OR14A2: variants seen among roughly 807,000 people sequenced by gnomAD.
The protein encoded by OR14A2 is olfactory receptor 14A2.
For missense variants in OR14A2, 237 were observed against 152.9 expected, an observed-to-expected ratio of 1.55 and a Z score of -2.90; for synonymous variants, 114 against 58.6, an observed-to-expected ratio of 1.95 and a Z score of -4.32.
chr1:247,735,171 C>A, the OR14A2 span, among the ~76,000 whole-genome samples: 12 of 152,220 alleles, frequency 7.9e-5, no homozygotes, highest in Admixed American at 7.2e-4. Context: ...TCTGAAGGGA[C>A]GTCATCTTCC....
At chr1:247,746,032 C>T in the OR14A2 span, among the ~76,000 whole-genome samples, 1 of 152,152 alleles carries the variant, frequency 6.6e-6, no homozygotes. Context: ...TGGGCACAGC[C>T]GTTCATGGTT....
chr1:247,745,450 A>G, the OR14A2 span, among the ~76,000 whole-genome samples: 3 of 151,868 alleles, frequency 2.0e-5, no homozygotes, highest in South Asian at 6.2e-4. Context: ...ATAATGTAGT[A>G]AAGGAGAGAA....
the OR14A2 span, among the ~76,000 whole-genome samples, chr1:247,731,036 T>C: frequency 2.0e-5 from 3 of 152,180 alleles, no homozygotes; most frequent in African/African-American, 7.2e-5. Flanking sequence ...TCATAGCCCA[T>C]ATATGACCAT....
At chr1:247,723,924 G>T in exon 1 of OR14A2, 1 of 716,888 alleles carries the variant, frequency 1.4e-6, no homozygotes, top group Non-Finnish European at 2.6e-6. Flanking sequence ...TGATGAGAAG[G>T]TTACTCATTA....
the OR14A2 span, chr1:247,746,625 T>C: frequency 6.6e-6 from 1 of 152,234 alleles, no homozygotes; most frequent in Non-Finnish European, 1.5e-5. Context: ...GGCTAATTGC[T>C]TAAGCTCCCC....
At chr1:247,724,580 T>C (rs530272736), upstream of OR14A2, among the ~76,000 whole-genome samples, 2 of 152,308 alleles carry the variant, frequency 1.3e-5, no homozygotes, top group East Asian at 3.9e-4. Flanking sequence ...TTCTCTATTC[T>C]AATGATAGTA....
exon 1 of OR14A2, chr1:247,724,006 A>C (rs556167675): frequency 9.8e-5 from 70 of 715,170 alleles, no homozygotes; most frequent in African/African-American, 8.3e-4. Context: ...AGAAAACCCC[A>C]TAAGAAGAAA....
chr1:247,725,655 A>G (rs1572471516), upstream of OR14A2, among the ~76,000 whole-genome samples: 1 of 136,534 alleles, frequency 7.3e-6, no homozygotes, highest in Non-Finnish European at 1.6e-5. Context: ...AGCATTAGGT[A>G]TATCTCCCAA....
the OR14A2 span, among the ~76,000 whole-genome samples, chr1:247,740,945 T>C: frequency 6.6e-6 from 1 of 152,236 alleles, no homozygotes; most frequent in African/African-American, 2.4e-5. Flanking sequence ...TAATAAAATA[T>C]GTTTCTAGCC....
At chr1:247,728,085 C>G (rs1660423156), upstream of OR14A2, among the ~76,000 whole-genome samples, 1 of 148,724 alleles carries the variant, frequency 6.7e-6, no homozygotes, top group Non-Finnish European at 1.5e-5. Context: ...AGGCCAGCAT[C>G]ATTCTGATAC....
chr1:247,739,185 C>A, the OR14A2 span: 1 of 780,882 alleles, frequency 1.3e-6, no homozygotes, highest in South Asian at 1.3e-5. Flanking sequence ...TTCTAAAGAA[C>A]ATGCCATCAT....
upstream of OR14A2, among the ~76,000 whole-genome samples, chr1:247,725,528 AT>A (rs994664937): frequency 2.5e-3 from 377 of 148,204 alleles, no homozygotes; most frequent in Non-Finnish European, 3.6e-3. Context: ...TTATTTATTT[AT>A]TTTTTTTATT....
upstream of OR14A2, among the ~76,000 whole-genome samples, chr1:247,728,238 C>T (rs1027542889): frequency 4.6e-5 from 7 of 152,190 alleles, no homozygotes; most frequent in African/African-American, 1.7e-4. Context: ...ATCAAGTGGG[C>T]TTCATCCCTG....
At chr1:247,748,001 TC>T in the OR14A2 span, among the ~76,000 whole-genome samples, 1 of 152,210 alleles carries the variant, frequency 6.6e-6, no homozygotes, top group African/African-American at 2.4e-5. Flanking sequence ...GCTAATTTTT[TC>T]AAGAGGATTT....
At chr1:247,741,987 A>G in the OR14A2 span, among the ~76,000 whole-genome samples, 3 of 152,198 alleles carry the variant, frequency 2.0e-5, no homozygotes, top group Admixed American at 2.0e-4. Flanking sequence ...GATGATACAG[A>G]TGAAAGTAAA....
chr1:247,733,850 T>C, the OR14A2 span, among the ~76,000 whole-genome samples: 5 of 152,130 alleles, frequency 3.3e-5, no homozygotes, highest in Non-Finnish European at 7.4e-5. Flanking sequence ...AGAAAATTCA[T>C]TAAAAATGAA....
chr1:247,730,875 C>T, the OR14A2 span, among the ~76,000 whole-genome samples: 1 of 152,032 alleles, frequency 6.6e-6, no homozygotes, highest in Non-Finnish European at 1.5e-5. Flanking sequence ...GATGCCTCTC[C>T]ACCTTGGTGA....
downstream of OR14A2, chr1:247,722,972 T>C: frequency 1.6e-6 from 1 of 615,750 alleles, no homozygotes; most frequent in Non-Finnish European, 2.9e-6. Context: ...CTCTTGAGTA[T>C]TTATTTCTTC....
chr1:247,731,574 T>C, the OR14A2 span, among the ~76,000 whole-genome samples: 1 of 152,066 alleles, frequency 6.6e-6, no homozygotes, highest in African/African-American at 2.4e-5. Flanking sequence ...GCATGTTCTT[T>C]TTTTTTCTCC....
Sources: gnomAD v4.1 joint callset for allele counts (sites outside exome capture counted in the v4.1 genomes callset) on GRCh38, gnomAD v4.1.1 for gene constraint, MANE v1.5 for transcripts, NCBI Gene and HGNC (gene_info 2026-07-23, HGNC 2026-07-21) for gene names.